Variants in BNC2 observed in about 807,000 individuals in gnomAD.
BNC2 encodes the protein basonuclin zinc finger protein 2.
BNC2 carries 20 observed loss-of-function variants against 76.3 expected under a neutral mutation model. The observed-to-expected ratio is 0.26, with a 90% confidence interval of 0.18 to 0.38. The LOEUF is 0.38. Ranked by LOEUF, BNC2 falls within the 10% of genes least tolerant of loss-of-function variation. The pLI is 1.00. For synonymous variants in BNC2, 582 were observed against 514.8 expected (o/e 1.13, Z -1.77); for missense variants, 1,382 against 1,399.8 (o/e 0.99, Z 0.20).
intron 5 of BNC2, among the ~76,000 whole-genome samples, chr9:16,477,373 G>C (rs1223383658): frequency 6.6e-6 from 1 of 150,458 alleles, no homozygotes; most frequent in Non-Finnish European, 1.5e-5. Context: ...GTGACAAGGA[G>C]ATTAAAAAAA....
At chr9:16,756,827 A>G (rs1825395887) in intron 1 of BNC2, among the ~76,000 whole-genome samples, 1 of 152,070 alleles carries the variant, frequency 6.6e-6, no homozygotes, top group African/African-American at 2.4e-5. Flanking sequence ...GTCTCTACTA[A>G]AAATACAAAA....
At chr9:16,823,993 T>C (rs972510683) in intron 1 of BNC2, among the ~76,000 whole-genome samples, 12 of 152,224 alleles carry the variant, frequency 7.9e-5, no homozygotes, top group African/African-American at 2.7e-4. Flanking sequence ...AATGAATACA[T>C]TTTGTAGCTC....
At chr9:16,632,520 G>A (rs1252802481) in intron 3 of BNC2, among the ~76,000 whole-genome samples, 1 of 152,066 alleles carries the variant, frequency 6.6e-6, no homozygotes, top group Non-Finnish European at 1.5e-5. Context: ...CTTAATTTAA[G>A]GGAACAATTT....
rs56981761 is a variant in BNC2, at chr9:16,415,768, C to G, written c.*3221G>C. ...GATTTTCCATTGCATGTACTACATC[C>G]ATCCACTCCCCTGTCCCTTTTAAGC... On this transcript the variant is annotated 3_prime_UTR_variant, in exon 7 of 7. Coordinates refer to ENST00000380672, the MANE Select transcript of BNC2 (RefSeq NM_017637.6). The G allele has an allele frequency of 3.9e-5, 6 of 152,300 alleles. No individual in the cohort carries two copies. The highest frequency in any genetic ancestry group is 7.3e-5 in the Non-Finnish European group (5 of 68,032). 9.4% of individuals were successfully genotyped at this position (152,300 alleles called of 1,614,324 possible).
chr9:16,690,936 C>T lies in BNC2; in HGVS notation c.330+36861G>A, dbSNP rs181965010. Among the ~76,000 whole-genome samples the T allele has an allele frequency of 2.6e-4, 40 of 152,048 alleles. No individual in the cohort carries two copies. In the East Asian group the frequency reaches 7.0e-3, roughly 27 times the overall value. On this transcript the variant is annotated intron_variant, in intron 3 of 6. Transcript: ENST00000380672. ...CACTAAGGTTCACTCTTGCTCTTCC[C>T]TCAGGAGCTGATCCTCTGGGGTGAG...
chr9:16,820,728 A>G (rs1422993921), intron 1 of BNC2, among the ~76,000 whole-genome samples: 1 of 152,152 alleles, frequency 6.6e-6, no homozygotes. Flanking sequence ...AGATCATGTT[A>G]TATAAACAAG....
intron 1 of BNC2, among the ~76,000 whole-genome samples, chr9:16,829,098 T>G (rs1412653205): frequency 6.6e-6 from 1 of 152,162 alleles, no homozygotes; most frequent in Admixed American, 6.5e-5. Context: ...TGAGCGCGAC[T>G]GTTCCGCCCG....
At chr9:16,608,310 T>G (rs1056737751) in intron 3 of BNC2, among the ~76,000 whole-genome samples, 1 of 152,146 alleles carries the variant, frequency 6.6e-6, no homozygotes. Context: ...CTAAGCACAG[T>G]GATAGACACA....
chr9:16,623,249 G>A (rs1389054837), intron 3 of BNC2, among the ~76,000 whole-genome samples: 3 of 152,138 alleles, frequency 2.0e-5, no homozygotes, highest in African/African-American at 4.8e-5. Flanking sequence ...GATTGAAAGT[G>A]CGGCATACAA....
At chr9:16,628,273 C>A (rs957794887) in intron 3 of BNC2, among the ~76,000 whole-genome samples, 1 of 152,172 alleles carries the variant, frequency 6.6e-6, no homozygotes, top group Non-Finnish European at 1.5e-5. Context: ...CTTCTCAGGG[C>A]GGCTTTGTCT....
At chr9:16,847,402 G>C (rs28445536) in intron 1 of BNC2, among the ~76,000 whole-genome samples, 3 of 27,238 alleles carry the variant, frequency 1.1e-4, no homozygotes, top group African/African-American at 2.4e-4. Flanking sequence ...TTCTCGGGGC[G>C]GGGGGGGGGG....
intron 4 of BNC2, among the ~76,000 whole-genome samples, chr9:16,561,935 G>A (rs1819029509): frequency 6.6e-6 from 1 of 152,090 alleles, no homozygotes; most frequent in Non-Finnish European, 1.5e-5. Context: ...GCCCACGGAG[G>A]TCGAAGCTGC....
At chr9:16,461,491 C>T (rs1012771966) in intron 5 of BNC2, among the ~76,000 whole-genome samples, 1 of 151,590 alleles carries the variant, frequency 6.6e-6, no homozygotes, top group Admixed American at 6.6e-5. Context: ...TATTAATCCT[C>T]TAAGAGCCTC....
chr9:16,631,652 C>T (rs1001702417), intron 3 of BNC2, among the ~76,000 whole-genome samples: 4 of 152,146 alleles, frequency 2.6e-5, no homozygotes, highest in Admixed American at 6.5e-5. Context: ...AACTGATTTC[C>T]GTGGCCTACC....
intron 5 of BNC2, among the ~76,000 whole-genome samples, chr9:16,498,586 C>T (rs7035471): frequency 0.075 from 11,367 of 151,194 alleles, 1,213 homozygotes; most frequent in African/African-American, 0.24. Flanking sequence ...GATGGGTGCA[C>T]CAAAATCTCA....
chr9:16,635,164 G>C (rs1344070900), intron 3 of BNC2, among the ~76,000 whole-genome samples: 1 of 152,030 alleles, frequency 6.6e-6, no homozygotes, highest in Non-Finnish European at 1.5e-5. Context: ...ATGAAGCCAA[G>C]GCTTTTAAAT....
At chr9:16,537,115 T>G (rs973663582) in intron 5 of BNC2, among the ~76,000 whole-genome samples, 3 of 152,096 alleles carry the variant, frequency 2.0e-5, no homozygotes, top group Non-Finnish European at 4.4e-5. Context: ...GCTCCAGATT[T>G]AACATAATTA....
intron 1 of BNC2, among the ~76,000 whole-genome samples, chr9:16,786,601 T>G (rs1167541093): frequency 6.6e-6 from 1 of 152,172 alleles, no homozygotes; most frequent in East Asian, 1.9e-4. Flanking sequence ...GGATACCATA[T>G]AATCAGGGTT....
chr9:16,848,810 A>G (rs926128147), intron 1 of BNC2, among the ~76,000 whole-genome samples: 3 of 152,300 alleles, frequency 2.0e-5, no homozygotes, highest in Non-Finnish European at 4.4e-5. Flanking sequence ...TTGAGTACCA[A>G]CATGTCCTAA....
Sources: gnomAD v4.1 joint callset for allele counts (sites outside exome capture counted in the v4.1 genomes callset) on GRCh38, gnomAD v4.1.1 for gene constraint, MANE v1.5 for transcripts, NCBI Gene and HGNC (gene_info 2026-07-23, HGNC 2026-07-21) for gene names.